Variants in ASCC3 observed in about 807,000 individuals in gnomAD.
ASCC3 encodes ASC-1 complex subunit P200.
In ASCC3, 158 loss-of-function variants were observed where a neutral mutation model predicts 256.3. That is an observed-to-expected ratio of 0.62 (90% confidence interval 0.54 to 0.70). The LOEUF is 0.70. Ranked by LOEUF, ASCC3 falls within the 30% of genes least tolerant of loss-of-function variation. The pLI, the probability that ASCC3 is intolerant of heterozygous loss-of-function variation, is 0.00. For missense variants in ASCC3, 2,259 were observed against 2,626.0 expected (o/e 0.86, Z 3.05); for synonymous variants, 948 against 883.4 (o/e 1.07, Z -1.30).
intron 4 of ASCC3, among the ~76,000 whole-genome samples, chr6:100,807,849 T>C (rs1770266576): frequency 6.6e-6 from 1 of 151,918 alleles, no homozygotes; most frequent in South Asian, 2.1e-4. Flanking sequence ...ATGTTATGTA[T>C]AAAAGTATTT....
At chr6:100,529,523 G>A (rs763970521) in intron 37 of ASCC3, among the ~76,000 whole-genome samples, 12 of 152,164 alleles carry the variant, frequency 7.9e-5, no homozygotes, top group Middle Eastern at 6.8e-3. Context: ...CAGGCAGACC[G>A]TTGAAAAGGG....
intron 10 of ASCC3, among the ~76,000 whole-genome samples, chr6:100,729,144 A>G (rs569453106): frequency 6.6e-6 from 1 of 152,294 alleles, no homozygotes; most frequent in South Asian, 2.1e-4. Flanking sequence ...ACAAGAGCAA[A>G]AAGTAAATCA....
chr6:100,827,503 T>C (rs1292286759), intron 4 of ASCC3, among the ~76,000 whole-genome samples: 1 of 152,258 alleles, frequency 6.6e-6, no homozygotes, highest in Non-Finnish European at 1.5e-5. Context: ...TTTTTGTGGC[T>C]TGATAGCTCA....
At chr6:100,718,739 A>G (rs1005101088) in intron 11 of ASCC3, among the ~76,000 whole-genome samples, 20 of 152,142 alleles carry the variant, frequency 1.3e-4, no homozygotes, top group Non-Finnish European at 2.6e-4. Flanking sequence ...CTCTGTTTCA[A>G]AAATAAATAC....
intron 27 of ASCC3, among the ~76,000 whole-genome samples, chr6:100,628,432 A>G (rs1438858628): frequency 6.6e-6 from 1 of 152,194 alleles, no homozygotes; most frequent in African/African-American, 2.4e-5. Context: ...GTAATCTCCA[A>G]TGTTGAAGGT....
intron 26 of ASCC3, 26 bp downstream of exon 26, chr6:100,631,102 T>C (rs1774520111): frequency 6.6e-7 from 1 of 1,506,622 alleles, no homozygotes; most frequent in African/African-American, 1.4e-5. Flanking sequence ...TCAAAGCGTA[T>C]CTTTTGAGTA....
chr6:100,848,767 T>A (rs1772515391), intron 3 of ASCC3, 60 bp from the exon 4 acceptor site: 2 of 1,525,354 alleles, frequency 1.3e-6, no homozygotes, highest in Non-Finnish European at 1.8e-6. Flanking sequence ...AGTTACGATC[T>A]TCCAAAAAAT....
intron 4 of ASCC3, among the ~76,000 whole-genome samples, chr6:100,837,331 T>G (rs1771925736): frequency 6.6e-6 from 1 of 152,128 alleles, no homozygotes; most frequent in African/African-American, 2.4e-5. Context: ...GTATGAAGGT[T>G]TCTCAAAAAA....
At chr6:100,707,033 G>A (rs2036052) in intron 13 of ASCC3, among the ~76,000 whole-genome samples, 66,646 of 151,816 alleles carry the variant, frequency 0.44, 14,848 homozygotes, top group South Asian at 0.6. Flanking sequence ...GTCCTGATGC[G>A]TTTCATATTT....
At chr6:100,620,024 G>T (rs1773867049) in intron 30 of ASCC3, among the ~76,000 whole-genome samples, 1 of 152,136 alleles carries the variant, frequency 6.6e-6, no homozygotes, top group Non-Finnish European at 1.5e-5. Context: ...TGTAGGTATA[G>T]GAAAAGTAGT....
chr6:100,712,947 A>G (rs922126343), intron 13 of ASCC3, among the ~76,000 whole-genome samples: 4 of 151,718 alleles, frequency 2.6e-5, no homozygotes, highest in African/African-American at 9.7e-5. Context: ...TTCAGTAGAG[A>G]CAGAGTTTCA....
At chr6:100,562,348 T>C (rs1769998240) in intron 36 of ASCC3, among the ~76,000 whole-genome samples, 1 of 152,070 alleles carries the variant, frequency 6.6e-6, no homozygotes, top group African/African-American at 2.4e-5. Context: ...TCCTCTAGGC[T>C]TCTATCATAA....
chr6:100,572,140 C>A (rs1474647004), intron 36 of ASCC3, among the ~76,000 whole-genome samples: 1 of 152,076 alleles, frequency 6.6e-6, no homozygotes, highest in African/African-American at 2.4e-5. Flanking sequence ...TAAACCTGAA[C>A]TCCCAGTGTG....
At chr6:100,565,628 T>C (rs1770201940) in intron 36 of ASCC3, among the ~76,000 whole-genome samples, 1 of 152,084 alleles carries the variant, frequency 6.6e-6, no homozygotes, top group South Asian at 2.1e-4. Context: ...TCCCGTGTCA[T>C]AGTCTAAACC....
intron 1 of ASCC3, among the ~76,000 whole-genome samples, chr6:100,871,157 G>A (rs754871446): frequency 2.0e-5 from 3 of 151,548 alleles, no homozygotes; most frequent in Non-Finnish European, 4.4e-5. Context: ...GTGCAGTGGC[G>A]TGATCTCGGC....
rs536152518 is a variant in ASCC3 at position 100,579,900 on chromosome 6, T to C, written c.5550+9734A>G. On this transcript the variant is annotated intron_variant, in intron 36 of 41. Transcript: ENST00000369162. Reference sequence around the variant, plus strand: ...AGTTTGTTAGAGATAGCACTGAATGTATAAATTGCTTTGGGCAGTATGGCC... The same window carrying C: ...AGTTTGTTAGAGATAGCACTGAATGCATAAATTGCTTTGGGCAGTATGGCC... 1.9e-3 allele frequency among the ~76,000 whole-genome samples: 294 copies of C among 152,310 alleles called. 2 individuals carry two copies. Among genetic ancestry groups the C allele is most frequent in the Middle Eastern group, 3.4e-3 (1 of 294 alleles).
At chr6:100,717,775 G>A (rs1000274447) in intron 12 of ASCC3, among the ~76,000 whole-genome samples, 6 of 151,674 alleles carry the variant, frequency 4.0e-5, no homozygotes, top group Non-Finnish European at 8.8e-5. Flanking sequence ...ATCATTTCAC[G>A]TCAAAATAAC....
chr6:100,536,359 G>A (rs142301146), intron 37 of ASCC3, among the ~76,000 whole-genome samples: 4 of 152,244 alleles, frequency 2.6e-5, no homozygotes, highest in East Asian at 1.9e-4. Context: ...ACATACACAC[G>A]GGAGGTAAAT....
chr6:100,623,415 AC>A (rs927155127), intron 30 of ASCC3, among the ~76,000 whole-genome samples: 3 of 152,166 alleles, frequency 2.0e-5, no homozygotes, highest in Non-Finnish European at 4.4e-5. Flanking sequence ...CTAAGCAAAA[AC>A]ATTCTGAAAT....
Sources: gnomAD v4.1 joint callset for allele counts (sites outside exome capture counted in the v4.1 genomes callset) on GRCh38, gnomAD v4.1.1 for gene constraint, MANE v1.5 for transcripts, NCBI Gene and HGNC (gene_info 2026-07-23, HGNC 2026-07-21) for gene names.